Variants in GRIP2 observed in about 807,000 individuals in gnomAD.
GRIP2 encodes the protein glutamate receptor interacting protein 2.
In GRIP2, 58 loss-of-function variants were observed where a neutral mutation model predicts 108.3. The observed-to-expected ratio is 0.54, with a 90% confidence interval of 0.43 to 0.67. The LOEUF is 0.67. Among genes scored for constraint, GRIP2 ranks in the 30% least tolerant of loss-of-function variants. The pLI is 0.00. For missense variants in GRIP2, 1,278 were observed against 1,430.6 expected (o/e 0.89, Z 1.72); for synonymous variants, 586 against 598.2 (o/e 0.98, Z 0.30).
intron 4 of GRIP2, chr3:14,523,924 C>A (rs1670607535): frequency 1.8e-6 from 1 of 556,402 alleles, no homozygotes; most frequent in Admixed American, 3.1e-5. Flanking sequence ...CCCATGCTCA[C>A]AGAGACGACG....
the GRIP2 span, among the ~76,000 whole-genome samples, chr3:14,598,347 G>GAC: frequency 0.5 from 73,202 of 147,452 alleles, 17,825 homozygotes; most frequent in East Asian, 0.63. Flanking sequence ...ACCACAGGGG[G>GAC]ACACACACAC....
the GRIP2 span, among the ~76,000 whole-genome samples, chr3:14,591,301 T>G: frequency 3.8e-3 from 581 of 152,300 alleles, 4 homozygotes; most frequent in African/African-American, 0.013. Flanking sequence ...TAATATTCCC[T>G]GTATGATCTT....
In GRIP2 at chr3:14,514,449, C is replaced by T; in HGVS notation, c.1336G>A (p.Gly446Ser). ...LSLASSTVGP[G>S]GQIVHTETTE... ...GTCTCCGTGTGCACAATCTGCCCGC[C>T]CGGCCCCACCGTGCTGGAGGCTAGC... The change falls in exon 12 of 24, where the codon GGC (glycine) becomes AGC (serine). Residue 446 changes from glycine to serine, a missense_variant. Transcript: ENST00000621039. 1 of 1,577,470 alleles carries T rather than the reference C, an allele frequency of 6.3e-7. No individual in the cohort carries two copies. The highest frequency in any genetic ancestry group is 1.2e-5 in the South Asian group (1 of 85,852).
intron 1 of GRIP2, among the ~76,000 whole-genome samples, chr3:14,548,767 C>T (rs141518045): frequency 2.0e-5 from 3 of 152,312 alleles, no homozygotes; most frequent in Non-Finnish European, 4.4e-5. Context: ...TGCTACAGTG[C>T]GAAACTGAGG....
At chr3:14,560,450 C>T (rs1474089648), upstream of GRIP2, among the ~76,000 whole-genome samples, 2 of 152,170 alleles carry the variant, frequency 1.3e-5, no homozygotes, top group Non-Finnish European at 2.9e-5. Context: ...CTTTCAGCTC[C>T]AGGAGAGCCT....
the GRIP2 span, chr3:14,573,118 T>C: frequency 7.0e-7 from 1 of 1,434,664 alleles, no homozygotes; most frequent in Non-Finnish European, 9.8e-7. Flanking sequence ...AAGTTGTCGA[T>C]CCAGGGCAGC....
intron 9 of GRIP2, 148 bp from the exon 10 acceptor site, chr3:14,518,045 C>T: frequency 2.1e-6 from 2 of 954,106 alleles, no homozygotes; most frequent in South Asian, 3.6e-5. Context: ...TCCCGGACGC[C>T]TACAATGTGC....
At position 14,535,285 on chromosome 3, in the gene GRIP2, G is replaced by A. The variant is rs573934367; in HGVS notation, c.40+4984C>T. Among the ~76,000 whole-genome samples, 8 of 152,248 alleles carry A rather than the reference G, an allele frequency of 5.3e-5. 1 individual carries two copies. The highest frequency in any genetic ancestry group is 1.9e-4 in the African/African-American group (8 of 41,544). Reference sequence around the variant, plus strand: ...CAACTTGGGACTTTGATTCTAAATCGGCTGCCAACTGGCTAAGGGATCTGG... The same window carrying A: ...CAACTTGGGACTTTGATTCTAAATCAGCTGCCAACTGGCTAAGGGATCTGG... On this transcript the variant is annotated intron_variant, in intron 1 of 23. Transcript: ENST00000621039.
chr3:14,532,138 C>T (rs1405371159), intron 1 of GRIP2, among the ~76,000 whole-genome samples: 2 of 152,348 alleles, frequency 1.3e-5, no homozygotes, highest in East Asian at 3.9e-4. Context: ...TCCTCCCCAA[C>T]CTCACACCCA....
intron 20 of GRIP2, among the ~76,000 whole-genome samples, chr3:14,504,104 T>A (rs935994649): frequency 2.6e-5 from 4 of 151,842 alleles, no homozygotes; most frequent in Non-Finnish European, 5.9e-5. Context: ...CACAGATGGA[T>A]GGAGAGGATG....
the GRIP2 span, among the ~76,000 whole-genome samples, chr3:14,596,945 G>A: frequency 6.6e-6 from 1 of 152,142 alleles, no homozygotes; most frequent in Non-Finnish European, 1.5e-5. Context: ...GTCTTGCCAT[G>A]TTGCCCAGGC....
At position 14,493,735 on chromosome 3, in the gene GRIP2, C is replaced by T. The variant is rs772124501; in HGVS notation, c.3062G>A (p.Arg1021His). The part of the protein sequence containing the change: ...AGDVLELIIS[R>H]KPHTAHSSRA... ...GCTGCTGTGTGCCGTGTGCGGCTTG[C>T]GGCTGATGATCAGCTCCAAGACATC... Residue 1021 changes from arginine to histidine, a missense_variant, in exon 24 of 24, where the codon CGC becomes CAC. Physicochemically the swap from Arg to His is conservative, Grantham distance 29. Transcript: ENST00000621039. 26 of 1,607,884 alleles carry T rather than the reference C, an allele frequency of 1.6e-5. No individual in the cohort carries two copies. In the African/African-American group the frequency reaches 1.7e-4, roughly 11 times the overall value.
In GRIP2 at chr3:14,520,418, G is replaced by A. The variant is rs542132258; in HGVS notation, c.832C>T (p.Arg278Cys). Residue 278 changes from arginine to cysteine, a missense_variant, in exon 8 of 24, where the codon CGC becomes TGC. By Grantham distance (180) the Arg-to-Cys change is radical (BLOSUM62 -3). Transcript: ENST00000621039. ...LRNKSVITID[R>C]IKPASVVDRS... ...TCCACCACGCTGGCTGGCTTGATGC[G>A]GTCGATGGTAATGACTGACTTGTTC... 6.8e-5 allele frequency: 109 copies of A among 1,613,028 alleles called. No homozygotes were observed. In the Admixed American group the frequency reaches 7.5e-4, roughly 11 times the overall value.
chr3:14,548,090 G>A (rs566811792), intron 1 of GRIP2, among the ~76,000 whole-genome samples: 72 of 152,300 alleles, frequency 4.7e-4, no homozygotes, highest in East Asian at 3.9e-3. Context: ...TCTGAGCCAC[G>A]CCTTGAGGGA....
At chr3:14,549,537 C>A (rs1339427592) in intron 1 of GRIP2, among the ~76,000 whole-genome samples, 1 of 152,186 alleles carries the variant, frequency 6.6e-6, no homozygotes, top group Non-Finnish European at 1.5e-5. Context: ...GGAGGGTTCC[C>A]CAACCAGGAA....
At chr3:14,593,541 T>A in the GRIP2 span, among the ~76,000 whole-genome samples, 1 of 152,120 alleles carries the variant, frequency 6.6e-6, no homozygotes, top group East Asian at 1.9e-4. Context: ...AGAGCTCCTA[T>A]AGTTCTCCCA....
At chr3:14,497,715 C>T (rs1414788891) in intron 21 of GRIP2, among the ~76,000 whole-genome samples, 2 of 152,028 alleles carry the variant, frequency 1.3e-5, no homozygotes, top group East Asian at 1.9e-4. Context: ...GCTGCAGGAG[C>T]GGGAGTGGAG....
chr3:14,568,750 G>A, the GRIP2 span, among the ~76,000 whole-genome samples: 1 of 152,212 alleles, frequency 6.6e-6, no homozygotes, highest in East Asian at 1.9e-4. Context: ...ACAGGTGAGA[G>A]CGAGGGAGGA....
chr3:14,562,735 CCGAGGCAGACGG>C, the GRIP2 span, among the ~76,000 whole-genome samples: 3 of 32,480 alleles, frequency 9.2e-5, no homozygotes, highest in South Asian at 1.2e-3. Flanking sequence ...CCTCGGACTC[CCGAGGCAGACGG>C]TCCTCGGACT....
Sources: allele counts gnomAD v4.1 joint callset (sites outside exome capture counted in the v4.1 genomes callset), GRCh38; gene constraint gnomAD v4.1.1; transcripts MANE v1.5; gene names NCBI Gene and HGNC (gene_info 2026-07-23, HGNC 2026-07-21).